The following AKAP19 variants were observed in gnomAD, a reference collection of about 807,000 sequenced individuals.
AKAP19 encodes the protein A-kinase anchoring protein 19.
At chr2:190,068,435 T>G in the AKAP19 span, among the ~76,000 whole-genome samples, 2 of 152,234 alleles carry the variant, frequency 1.3e-5, no homozygotes, top group South Asian at 4.1e-4. Context: ...GTTCAAGCGA[T>G]TCTCCTGCTT....
At chr2:190,116,119 C>T in the AKAP19 span, among the ~76,000 whole-genome samples, 1 of 152,172 alleles carries the variant, frequency 6.6e-6, no homozygotes, top group Admixed American at 6.5e-5. Context: ...ATTGTACCTC[C>T]AGTATTGTGA....
the AKAP19 span, among the ~76,000 whole-genome samples, chr2:190,081,141 G>A: frequency 6.6e-6 from 1 of 152,116 alleles, no homozygotes; most frequent in Non-Finnish European, 1.5e-5. Context: ...ATTTGTATTT[G>A]TAAAGAAAAT....
At chr2:190,117,648 C>A in the AKAP19 span, among the ~76,000 whole-genome samples, 1 of 152,222 alleles carries the variant, frequency 6.6e-6, no homozygotes, top group Non-Finnish European at 1.5e-5. Flanking sequence ...AAACAATGCC[C>A]AATCCAATCT....
the AKAP19 span, among the ~76,000 whole-genome samples, chr2:189,938,249 T>C: frequency 6.7e-6 from 1 of 149,982 alleles, no homozygotes. Context: ...GGCAGGAGAA[T>C]AGCTTGAACC....
At chr2:190,143,390 A>G in the AKAP19 span, among the ~76,000 whole-genome samples, 1 of 151,892 alleles carries the variant, frequency 6.6e-6, no homozygotes, top group Non-Finnish European at 1.5e-5. Context: ...ATCACCTTCA[A>G]GCTCCTAGTC....
the AKAP19 span, among the ~76,000 whole-genome samples, chr2:189,981,577 G>C: frequency 9.9e-5 from 15 of 152,194 alleles, no homozygotes; most frequent in African/African-American, 3.4e-4. Context: ...GGTCACAATT[G>C]TGTAATTGCT....
At chr2:189,947,268 T>C in the AKAP19 span, among the ~76,000 whole-genome samples, 8 of 152,306 alleles carry the variant, frequency 5.3e-5, no homozygotes, top group East Asian at 1.5e-3. Flanking sequence ...TCCTATTCCA[T>C]TTGCACATAA....
the AKAP19 span, among the ~76,000 whole-genome samples, chr2:189,917,039 A>C: frequency 0.056 from 8,488 of 152,226 alleles, 408 homozygotes; most frequent in African/African-American, 0.12. Context: ...AGGGTTCAAC[A>C]AATTTACATT....
the AKAP19 span, among the ~76,000 whole-genome samples, chr2:190,154,145 A>G: frequency 6.6e-6 from 1 of 152,196 alleles, no homozygotes; most frequent in Non-Finnish European, 1.5e-5. Flanking sequence ...TCTATAATCT[A>G]CTAATTTCTA....
At chr2:189,964,338 A>C in the AKAP19 span, among the ~76,000 whole-genome samples, 1 of 152,192 alleles carries the variant, frequency 6.6e-6, no homozygotes, top group Non-Finnish European at 1.5e-5. Context: ...TTCCATTTAT[A>C]GAGCACAGGG....
the AKAP19 span, chr2:189,923,611 A>T: frequency 2.5e-6 from 4 of 1,614,114 alleles, no homozygotes; most frequent in Non-Finnish European, 3.4e-6. Flanking sequence ...AAGTGAACCG[A>T]GGAAAAGCAG....
the AKAP19 span, among the ~76,000 whole-genome samples, chr2:190,163,200 C>T: frequency 1.7e-4 from 26 of 151,334 alleles, 1 homozygote; most frequent in South Asian, 2.1e-3. Flanking sequence ...TTTGGGAGGC[C>T]GAGACGGGCG....
At chr2:190,191,093 C>T in the AKAP19 span, among the ~76,000 whole-genome samples, 17,682 of 152,126 alleles carry the variant, frequency 0.12, 1,161 homozygotes, top group East Asian at 0.24. Flanking sequence ...TCTTTGTTGT[C>T]AACTTTTGGC....
the AKAP19 span, among the ~76,000 whole-genome samples, chr2:190,034,418 T>C: frequency 6.7e-6 from 1 of 149,344 alleles, no homozygotes; most frequent in African/African-American, 2.5e-5. Context: ...AAATAGCTAA[T>C]AGACTTAAAA....
chr2:189,937,981 C>G, the AKAP19 span, among the ~76,000 whole-genome samples: 2 of 152,156 alleles, frequency 1.3e-5, no homozygotes, highest in Non-Finnish European at 2.9e-5. Flanking sequence ...CAGCTCTGTT[C>G]ATAATAGCCA....
At chr2:190,160,001 A>G in the AKAP19 span, among the ~76,000 whole-genome samples, 3 of 152,192 alleles carry the variant, frequency 2.0e-5, no homozygotes, top group Non-Finnish European at 4.4e-5. Context: ...TTCTTTTAGT[A>G]TTTCAGTGTA....
At chr2:190,147,793 T>C in the AKAP19 span, among the ~76,000 whole-genome samples, 1 of 152,134 alleles carries the variant, frequency 6.6e-6, no homozygotes, top group Admixed American at 6.6e-5. Flanking sequence ...GTTGAGTTCT[T>C]GATTTGATTC....
chr2:189,947,493 C>A, the AKAP19 span, among the ~76,000 whole-genome samples: 1 of 152,026 alleles, frequency 6.6e-6, no homozygotes, highest in African/African-American at 2.4e-5. Flanking sequence ...AATGAAAAGG[C>A]AATAATGACA....
At chr2:190,013,078 C>T in the AKAP19 span, among the ~76,000 whole-genome samples, 4 of 152,200 alleles carry the variant, frequency 2.6e-5, no homozygotes, top group East Asian at 7.7e-4. Flanking sequence ...ATTTTCTTTG[C>T]TTCTAGTATC....
Sources: gnomAD v4.1 joint callset for allele counts (sites outside exome capture counted in the v4.1 genomes callset) on GRCh38, gnomAD v4.1.1 for gene constraint, MANE v1.5 for transcripts, NCBI Gene and HGNC (gene_info 2026-07-23, HGNC 2026-07-21) for gene names.